The following DOCK1 variants were observed in gnomAD, a reference collection of about 807,000 sequenced individuals.
DOCK1 encodes the protein dedicator of cytokinesis protein 1.
A neutral mutation model predicts 262.7 loss-of-function variants in DOCK1; 138 were observed. The observed-to-expected ratio is 0.53, with a 90% CI of 0.46 to 0.61. The LOEUF (loss-of-function observed/expected upper bound fraction) is 0.61, where lower values mean the gene tolerates loss of function less well. DOCK1 is among the 20% of genes least tolerant of loss of function. DOCK1 has a pLI of 0.00. For missense variants in DOCK1, 1,908 were observed against 2,370.7 expected, an observed-to-expected ratio of 0.80 and a Z score of 4.05; for synonymous variants, 866 against 867.4, an observed-to-expected ratio of 1.00 and a Z score of 0.03.
intron 27 of DOCK1, among the ~76,000 whole-genome samples, chr10:127,131,849 A>T (rs1173900619): frequency 6.6e-6 from 1 of 152,204 alleles, no homozygotes; most frequent in Non-Finnish European, 1.5e-5. Flanking sequence ...TTCAGCCTTT[A>T]TGTGTTACTC....
chr10:127,306,879 C>T (rs538432810), intron 29 of DOCK1, among the ~76,000 whole-genome samples: 8 of 152,066 alleles, frequency 5.3e-5, no homozygotes, highest in African/African-American at 1.9e-4. Flanking sequence ...ATCTCTCTCT[C>T]GATAAGAATT....
chr10:127,077,678 G>A (rs1768023392), intron 23 of DOCK1, among the ~76,000 whole-genome samples: 1 of 152,166 alleles, frequency 6.6e-6, no homozygotes, highest in Non-Finnish European at 1.5e-5. Context: ...GATTCTGACT[G>A]CAGGAGAGGA....
intron 27 of DOCK1, among the ~76,000 whole-genome samples, chr10:127,243,380 T>C (rs2489422): frequency 0.99 from 151,399 of 152,238 alleles, 75,283 homozygotes; most frequent in Middle Eastern, 1. Flanking sequence ...TGCCTGTCAC[T>C]GAATGTCCCC....
At chr10:127,106,761 A>T (rs989749469) in intron 24 of DOCK1, among the ~76,000 whole-genome samples, 5 of 152,090 alleles carry the variant, frequency 3.3e-5, no homozygotes, top group African/African-American at 1.2e-4. Context: ...AATAATTTTT[A>T]GAAAACCCCA....
At chr10:127,164,929 A>G (rs2053944657) in intron 27 of DOCK1, among the ~76,000 whole-genome samples, 1 of 152,200 alleles carries the variant, frequency 6.6e-6, no homozygotes, top group South Asian at 2.1e-4. Flanking sequence ...AAGGAAAACA[A>G]CTTTTTCCAG....
At chr10:127,324,394 G>T (rs1564992947) in intron 29 of DOCK1, among the ~76,000 whole-genome samples, 2 of 152,184 alleles carry the variant, frequency 1.3e-5, no homozygotes, top group Non-Finnish European at 2.9e-5. Context: ...TAGATTTCTT[G>T]CAGGGCAGAT....
chr10:127,136,872 C>G (rs928191887), intron 27 of DOCK1: 22 of 152,644 alleles, frequency 1.4e-4, no homozygotes, highest in Admixed American at 1.2e-3. Flanking sequence ...TACATAACGT[C>G]TGGCTGCACT....
At chr10:126,953,738 C>T (rs893767235) in intron 1 of DOCK1, among the ~76,000 whole-genome samples, 4 of 151,858 alleles carry the variant, frequency 2.6e-5, no homozygotes, top group Admixed American at 6.6e-5. Context: ...CCTTGTTCCA[C>T]GTGTGTTGGG....
chr10:127,195,523 TC>T (rs144810960), intron 27 of DOCK1, among the ~76,000 whole-genome samples: 40 of 148,254 alleles, frequency 2.7e-4, no homozygotes, highest in East Asian at 6.0e-4. Context: ...TTCCAACTCA[TC>T]CCCCCCCCGA....
intron 28 of DOCK1, among the ~76,000 whole-genome samples, chr10:127,256,105 C>T (rs2059818385): frequency 6.6e-6 from 1 of 152,164 alleles, no homozygotes; most frequent in African/African-American, 2.4e-5. Context: ...GAGGCATCTG[C>T]TCTAATAGAG....
chr10:127,441,001 T>C (rs1457356003), intron 49 of DOCK1, among the ~76,000 whole-genome samples: 2 of 152,184 alleles, frequency 1.3e-5, no homozygotes, highest in Non-Finnish European at 2.9e-5. Context: ...TCTCAAAACA[T>C]TATAGCTGGG....
chr10:127,223,208 C>T (rs1355745138), intron 27 of DOCK1, among the ~76,000 whole-genome samples: 1 of 152,098 alleles, frequency 6.6e-6, no homozygotes, highest in African/African-American at 2.4e-5. Context: ...TTTGGAACAA[C>T]ATAAATCAGC....
chr10:127,438,645 G>A (rs555155945), intron 48 of DOCK1, among the ~76,000 whole-genome samples: 9 of 152,228 alleles, frequency 5.9e-5, no homozygotes, highest in African/African-American at 1.9e-4. Context: ...TTGCATTGAC[G>A]TCTATTTTTC....
At chr10:127,248,344 C>G (rs1445037655) in intron 28 of DOCK1, among the ~76,000 whole-genome samples, 1 of 152,214 alleles carries the variant, frequency 6.6e-6, no homozygotes, top group African/African-American at 2.4e-5. Context: ...GGGCTGAGCC[C>G]AGGGAAATCT....
intron 40 of DOCK1, among the ~76,000 whole-genome samples, chr10:127,407,343 C>T (rs946401372): frequency 2.0e-5 from 3 of 152,132 alleles, no homozygotes; most frequent in Non-Finnish European, 4.4e-5. Flanking sequence ...ATAGATGGCG[C>T]CTTCCACCTG....
chr10:127,008,593 G>A, intron 10 of DOCK1, 139 bp from the exon 11 acceptor site: 1 of 749,798 alleles, frequency 1.3e-6, no homozygotes, highest in South Asian at 1.6e-5. Flanking sequence ...TTCAAGCATG[G>A]AAATAATTTA....
chr10:127,047,359 C>T (rs2890087), intron 21 of DOCK1, among the ~76,000 whole-genome samples: 69,300 of 152,008 alleles, frequency 0.46, 15,970 homozygotes, highest in Middle Eastern at 0.55. Context: ...TGTTATAGTG[C>T]AGACGATAAA....
At chr10:127,406,002 G>A (rs2067493231) in intron 40 of DOCK1, among the ~76,000 whole-genome samples, 1 of 152,192 alleles carries the variant, frequency 6.6e-6, no homozygotes, top group African/African-American at 2.4e-5. Context: ...CTGAAGGGTG[G>A]AATGAGCTTG....
chr10:127,099,065 T>C (rs2048078457), intron 23 of DOCK1, among the ~76,000 whole-genome samples: 1 of 152,210 alleles, frequency 6.6e-6, no homozygotes, highest in African/African-American at 2.4e-5. Flanking sequence ...GGAAGGAATC[T>C]GAGTTCCCTT....
Sources: gnomAD v4.1 joint callset for allele counts (sites outside exome capture counted in the v4.1 genomes callset) on GRCh38, gnomAD v4.1.1 for gene constraint, MANE v1.5 for transcripts, NCBI Gene and HGNC (gene_info 2026-07-23, HGNC 2026-07-21) for gene names.